Variants in POLE2 observed in about 807,000 individuals in gnomAD.
POLE2 encodes DNA polymerase epsilon subunit 2.
Under a neutral mutation model 79.4 loss-of-function variants are expected in POLE2, and 56 were observed. That is an observed-to-expected ratio of 0.71 (90% CI 0.57 to 0.88). POLE2 has a LOEUF of 0.88. Among genes scored for constraint, POLE2 ranks in the 40% least tolerant of loss-of-function variants. The pLI is 0.00. For missense variants in POLE2, 598 were observed against 638.9 expected (o/e 0.94, Z 0.69); for synonymous variants, 212 against 214.0 (o/e 0.99, Z 0.08).
chr14:49,656,286 G>T (rs768667649), intron 10 of POLE2, among the ~76,000 whole-genome samples: 8 of 151,600 alleles, frequency 5.3e-5, no homozygotes, highest in Non-Finnish European at 1.5e-5. Flanking sequence ...ACCCCGGGGG[G>T]CGGAGCCTGC....
Position 49,666,344 on chromosome 14 carries a change from T to C in POLE2, c.562A>G (p.Thr188Ala), listed in dbSNP as rs1388104005. 3.9e-6 allele frequency: 6 copies of C among 1,535,938 alleles called. No individual in the cohort carries two copies. The highest frequency in any genetic ancestry group is 3.5e-6 in the Non-Finnish European group (4 of 1,134,618). ...TATTAAGTTACCTCTTTTAACTGCG[T>C]TATCATTCCAAGAACAATCGCATCT... ...IGDAIVLGMITQLKEGKFFLE... is the reference protein window; with the variant it reads ...IGDAIVLGMIAQLKEGKFFLE... Residue 188 changes from threonine to alanine, a missense_variant, in exon 7 of 19, where the codon ACG (threonine) becomes GCG (alanine). Thr to Ala is a moderately conservative substitution (Grantham distance 58). Coordinates refer to ENST00000216367, the MANE Select transcript of POLE2 (RefSeq NM_002692.4).
intron 16 of POLE2, 91 bp from the exon 17 acceptor site, chr14:49,650,532 C>CA: frequency 1.2e-6 from 1 of 802,404 alleles, no homozygotes; most frequent in Non-Finnish European, 1.7e-6. Flanking sequence ...TATTAATTAC[C>CA]AAAAGGAACC....
At chr14:49,682,167 G>A (rs1020733405) in intron 2 of POLE2, among the ~76,000 whole-genome samples, 2 of 151,204 alleles carry the variant, frequency 1.3e-5, no homozygotes, top group Non-Finnish European at 2.9e-5. Context: ...ACCATGCCTG[G>A]CTAATTTTTG....
chr14:49,683,776 T>A (rs1188235721), intron 1 of POLE2, 83 bp from the exon 2 acceptor site: 86 of 665,074 alleles, frequency 1.3e-4, no homozygotes, highest in Non-Finnish European at 1.4e-4. Context: ...CAAATACTCA[T>A]CAATCTGGCA....
At chr14:49,672,860 T>C (rs904674660) in intron 5 of POLE2, among the ~76,000 whole-genome samples, 1 of 152,140 alleles carries the variant, frequency 6.6e-6, no homozygotes, top group African/African-American at 2.4e-5. Flanking sequence ...GTTCCATTTT[T>C]TACTCTATGC....
chr14:49,665,048 A>T, intron 8 of POLE2, 59 bp downstream of exon 8: 1 of 800,008 alleles, frequency 1.2e-6, no homozygotes, highest in Non-Finnish European at 2.2e-6. Context: ...AGGATATATA[A>T]TCAATTTCCC....
intron 1 of POLE2, among the ~76,000 whole-genome samples, chr14:49,685,480 C>T (rs1043442146): frequency 6.6e-6 from 1 of 152,140 alleles, no homozygotes; most frequent in African/African-American, 2.4e-5. Flanking sequence ...TAAAGCCATA[C>T]AGAATCTTGC....
chr14:49,654,270 A>G, intron 13 of POLE2, 56 bp from the exon 14 acceptor site: 2 of 1,138,510 alleles, frequency 1.8e-6, no homozygotes, highest in Non-Finnish European at 1.3e-6. Context: ...ACTATCCAAT[A>G]GCTTAAAAGC....
chr14:49,655,856 A>G lies in POLE2; in HGVS notation c.756-13T>C. ...TCCATAGTATGCCCTAGATAATTAT[A>G]ACATAATTATCTTCTATATACCACT... On this transcript the variant is annotated splice_polypyrimidine_tract_variant and intron_variant, in intron 10 of 18. Transcript: ENST00000216367. The G allele has an allele frequency of 8.6e-6, 11 of 1,280,236 alleles. No individual in the cohort carries two copies. The highest frequency in any genetic ancestry group is 1.5e-5 in the African/African-American group (1 of 66,972). The allele number at this position is 1,280,236 out of a possible 1,614,324, so 79.3% of individuals were successfully genotyped here.
chr14:49,669,116 T>C (rs1885693960), intron 6 of POLE2, among the ~76,000 whole-genome samples: 1 of 152,218 alleles, frequency 6.6e-6, no homozygotes, highest in South Asian at 2.1e-4. Flanking sequence ...GTTCAATAAC[T>C]GTGTGTGGTG....
At position 49,666,323 on chromosome 14, in the gene POLE2, A is replaced by G. The variant is rs976669405; in HGVS notation, c.576+7T>C. The G allele has an allele frequency of 2.0e-6, 3 of 1,471,340 alleles. No individual in the cohort carries two copies. The highest frequency in any genetic ancestry group is 2.8e-6 in the Non-Finnish European group (3 of 1,078,282). The allele number at this position is 1,471,340 out of a possible 1,614,324, so 91.1% of individuals were successfully genotyped here. On this transcript the variant is annotated splice_region_variant and intron_variant, in intron 7 of 18. Coordinates refer to ENST00000216367, the MANE Select transcript of POLE2 (RefSeq NM_002692.4). ...CAAAAATAAAAGTTTGATGCTTATT[A>G]AGTTACCTCTTTTAACTGCGTTATC...
intron 3 of POLE2, chr14:49,677,864 G>T (rs1886398342): frequency 2.4e-6 from 1 of 416,946 alleles, no homozygotes. Flanking sequence ...GCAGCCCCCA[G>T]CTCCTGGCCA....
At chr14:49,651,789 G>A (rs548795169) in intron 15 of POLE2, among the ~76,000 whole-genome samples, 2 of 152,234 alleles carry the variant, frequency 1.3e-5, no homozygotes, top group Admixed American at 6.5e-5. Context: ...AGAACAGGCC[G>A]GGCTCATAAT....
chr14:49,681,324 G>T (rs1323692271), intron 2 of POLE2: 4 of 216,056 alleles, frequency 1.9e-5, no homozygotes, highest in Non-Finnish European at 4.0e-5. Context: ...AGGTTGAATA[G>T]AGAGGTGTCT....
chr14:49,667,074 G>A (rs1335846740), intron 6 of POLE2, among the ~76,000 whole-genome samples: 2 of 151,984 alleles, frequency 1.3e-5, no homozygotes, highest in Non-Finnish European at 2.9e-5. Flanking sequence ...TGTAGTCCCA[G>A]CTACTCGGGA....
At chr14:49,657,814 T>A (rs9635220) in intron 10 of POLE2, among the ~76,000 whole-genome samples, 1 of 152,064 alleles carries the variant, frequency 6.6e-6, no homozygotes, top group African/African-American at 2.4e-5. Context: ...CACTGAACCA[T>A]TGCTCCTTGG....
At chr14:49,677,540 A>G (rs775155190) in intron 3 of POLE2, 36 of 485,570 alleles carry the variant, frequency 7.4e-5, no homozygotes, top group Non-Finnish European at 1.1e-4. Context: ...ACCCTGCCGG[A>G]CTAGGCGACC....
chr14:49,662,664 A>G (rs1310958092), intron 10 of POLE2, among the ~76,000 whole-genome samples: 1 of 152,262 alleles, frequency 6.6e-6, no homozygotes. Flanking sequence ...TCCTGTTAAG[A>G]GAACTCTGAA....
Position 49,679,747 on chromosome 14 carries a change from T to C in POLE2, c.223A>G (p.Ser75Gly). The C allele has an allele frequency of 6.2e-7, 1 of 1,601,772 alleles. No individual in the cohort carries two copies. Among genetic ancestry groups the C allele is most frequent in the South Asian group, 1.1e-5 (1 of 90,658 alleles). ...SVVEAAVQECSQSVDETIEHV... is the reference protein window; with the variant it reads ...SVVEAAVQECGQSVDETIEHV... ...TACATAGTTTCATCAACAGACTGAC[T>C]GCATTCCTGGACTGCTGCTTCCACC... The change falls in exon 3 of 19, where the codon AGT becomes GGT. Residue 75 changes from serine (S) to glycine (G), a missense_variant. Coordinates refer to ENST00000216367, the MANE Select transcript of POLE2 (RefSeq NM_002692.4).
Sources: allele counts gnomAD v4.1 joint callset (sites outside exome capture counted in the v4.1 genomes callset), GRCh38; gene constraint gnomAD v4.1.1; transcripts MANE v1.5; gene names NCBI Gene and HGNC (gene_info 2026-07-23, HGNC 2026-07-21).